The following DLGAP2 variants were observed in gnomAD, a reference collection of about 807,000 sequenced individuals.
The protein encoded by DLGAP2 is DLG associated protein 2.
In DLGAP2, 26 loss-of-function variants were observed where a neutral mutation model predicts 100.3. That is an observed-to-expected ratio of 0.26 (90% CI 0.19 to 0.36). DLGAP2 has a LOEUF of 0.36. Ranked by LOEUF, DLGAP2 falls within the 10% of genes least tolerant of loss-of-function variation. DLGAP2 has a pLI of 1.00. For missense variants in DLGAP2, 1,858 were observed against 1,453.2 expected (o/e 1.28, Z -4.53); for synonymous variants, 886 against 630.1 (o/e 1.41, Z -6.08).
chr8:1,241,427 T>A (rs1798794628), intron 2 of DLGAP2, among the ~76,000 whole-genome samples: 2 of 152,254 alleles, frequency 1.3e-5, no homozygotes, highest in Admixed American at 6.5e-5. Context: ...TCTCACATAG[T>A]GCTGTGTCTG....
chr8:1,364,653 G>C (rs1487416215), intron 3 of DLGAP2, among the ~76,000 whole-genome samples: 1 of 152,256 alleles, frequency 6.6e-6, no homozygotes, highest in Non-Finnish European at 1.5e-5. Context: ...TTGTGTCAAA[G>C]TGAAAATTGC....
chr8:1,322,982 A>G (rs770430806), intron 3 of DLGAP2, among the ~76,000 whole-genome samples: 2 of 151,552 alleles, frequency 1.3e-5, no homozygotes, highest in Admixed American at 1.3e-4. Flanking sequence ...TGTCCCCTCC[A>G]TGCCCCATAG....
In DLGAP2 at chr8:1,163,024, G is replaced by T. The variant is rs566434840; in HGVS notation, c.74-95827G>T. On this transcript the variant is annotated intron_variant, in intron 2 of 14. Coordinates refer to ENST00000637795, the MANE Select transcript of DLGAP2 (RefSeq NM_001346810.2). ...ATCCACCTGGGAGCTTTGGTGTTTG[G>T]TGTAGGACTCCGAGGTGAGGCCCTG... Among the ~76,000 whole-genome samples the T allele has an allele frequency of 1.4e-4, 21 of 152,348 alleles. 1 individual carries two copies. In the South Asian group the frequency reaches 4.3e-3, roughly 32 times the overall value.
At chr8:1,339,174 C>T (rs1454877348) in intron 3 of DLGAP2, among the ~76,000 whole-genome samples, 2 of 148,146 alleles carry the variant, frequency 1.4e-5, no homozygotes, top group Non-Finnish European at 3.0e-5. Flanking sequence ...GCAGTGACCT[C>T]AGCGAGGCGT....
At position 1,462,196 on chromosome 8, in the gene DLGAP2, G is replaced by A; in HGVS notation, c.107-39170G>A. On this transcript the variant is annotated intron_variant, in intron 3 of 14. Transcript: ENST00000637795. ...GTCAGGTGGGCTGGGTGCAGTCACT[G>A]ATTTGGTGGCCAGGAGGAGGGAGAA... is the stretch of plus-strand genomic sequence containing the variant. Among the ~76,000 whole-genome samples the A allele has an allele frequency of 2.9e-5, 2 of 69,090 alleles. 1 individual carries two copies. Among genetic ancestry groups the A allele is most frequent in the Non-Finnish European group, 5.3e-5 (2 of 37,992 alleles). 45.3% of individuals were successfully genotyped at this position (69,090 alleles called of 152,430 possible).
rs188397658 is a variant in DLGAP2, at chr8:1,533,812, C to T, written c.173-14814C>T. On this transcript the variant is annotated intron_variant, in intron 4 of 14. Coordinates refer to ENST00000637795, the MANE Select transcript of DLGAP2 (RefSeq NM_001346810.2). The stretch of plus-strand genomic sequence containing the variant: ...TCTCTACAAAAAAATTAAAAAATAG[C>T]CTGGCACAGCGGCCTGAGCCTGTTG... 1.4e-3 allele frequency among the ~76,000 whole-genome samples: 217 copies of T among 152,212 alleles called. 2 individuals are homozygous for T. The highest frequency in any genetic ancestry group is 4.9e-3 in the African/African-American group (205 of 41,528).
chr8:794,583 G>T (rs1354971857), intron 1 of DLGAP2, among the ~76,000 whole-genome samples: 1 of 152,224 alleles, frequency 6.6e-6, no homozygotes, highest in Non-Finnish European at 1.5e-5. Context: ...ATTGTTTGTG[G>T]CTTAGGAATG....
At chr8:1,277,801 A>G (rs1689465620) in intron 3 of DLGAP2, among the ~76,000 whole-genome samples, 1 of 152,188 alleles carries the variant, frequency 6.6e-6, no homozygotes, top group Admixed American at 6.5e-5. Context: ...CTTTCTCCGC[A>G]CGTTTCTCTA....
chr8:1,286,581 C>G (rs1799926745), intron 3 of DLGAP2, among the ~76,000 whole-genome samples: 1 of 152,168 alleles, frequency 6.6e-6, no homozygotes, highest in Non-Finnish European at 1.5e-5. Flanking sequence ...GCTTTCCCCT[C>G]TCCATGCCCA....
chr8:795,922 C>CGTCCAGTGAGAGCAGCT (rs1796022383), intron 1 of DLGAP2, among the ~76,000 whole-genome samples: 2 of 90,890 alleles, frequency 2.2e-5, no homozygotes, highest in Non-Finnish European at 4.7e-5. Context: ...TGAGAACAGG[C>CGTCCAGTGAGAGCAGCT]GTCCAGTGAG....
At chr8:1,682,767 C>T (rs946870021) in intron 12 of DLGAP2, among the ~76,000 whole-genome samples, 3 of 151,560 alleles carry the variant, frequency 2.0e-5, no homozygotes, top group East Asian at 3.9e-4. Context: ...AACCACCATG[C>T]CCAGCCAGGA....
At chr8:1,553,726 G>T (rs769207597) in intron 5 of DLGAP2, among the ~76,000 whole-genome samples, 3 of 152,088 alleles carry the variant, frequency 2.0e-5, no homozygotes, top group Non-Finnish European at 2.9e-5. Context: ...GCTGAAGGAC[G>T]TGTTGCGGGT....
chr8:955,156 T>C (rs1799568369), intron 2 of DLGAP2, among the ~76,000 whole-genome samples: 1 of 152,074 alleles, frequency 6.6e-6, no homozygotes, highest in South Asian at 2.1e-4. Context: ...CAGGTCTTCA[T>C]GCTCATGGAA....
intron 2 of DLGAP2, among the ~76,000 whole-genome samples, chr8:1,040,572 C>T (rs35944461): frequency 0.15 from 21,256 of 143,592 alleles, 1,765 homozygotes; most frequent in Non-Finnish European, 0.22. Context: ...GTGGTCGGCT[C>T]GGTTTCCGTG....
At chr8:1,065,983 T>G (rs1803232609) in intron 2 of DLGAP2, among the ~76,000 whole-genome samples, 1 of 152,216 alleles carries the variant, frequency 6.6e-6, no homozygotes, top group African/African-American at 2.4e-5. Flanking sequence ...CTGTCCAGCC[T>G]GAGCGTGGCC....
intron 2 of DLGAP2, among the ~76,000 whole-genome samples, chr8:1,108,463 G>C (rs1014364079): frequency 1.3e-5 from 2 of 152,120 alleles, no homozygotes; most frequent in Non-Finnish European, 2.9e-5. Flanking sequence ...TGCCTGTGAT[G>C]TGCGCTGGGT....
At chr8:1,239,976 GTCTTGTCTAGTTCTCTCT>G (rs1798748327) in intron 2 of DLGAP2, among the ~76,000 whole-genome samples, 6 of 124,966 alleles carry the variant, frequency 4.8e-5, no homozygotes, top group Admixed American at 8.7e-5. Context: ...CACACATAGC[GTCTTGTCTAGTTCTCTCT>G]CACACAGAGC....
intron 3 of DLGAP2, among the ~76,000 whole-genome samples, chr8:1,493,344 C>A (rs1042991398): frequency 1.3e-5 from 2 of 152,252 alleles, no homozygotes; most frequent in East Asian, 3.9e-4. Flanking sequence ...CCTCTGTGGA[C>A]CCAGCGTGTA....
rs148115114 is a variant in DLGAP2, at chr8:1,235,572, A to G, written c.74-23279A>G. Among the ~76,000 whole-genome samples the G allele has an allele frequency of 5.8e-3, 768 of 131,368 alleles. 41 individuals are homozygous for G. Among genetic ancestry groups the G allele is most frequent in the South Asian group, 0.032 (125 of 3,900 alleles). 86.2% of individuals were successfully genotyped at this position (131,368 alleles called of 152,430 possible). ...ATGGCGCCATGTCTAGTTCTCTCACATGGCACCATGTCTAGTTCTCTCACA... is the reference window on the plus strand; with the variant it reads ...ATGGCGCCATGTCTAGTTCTCTCACGTGGCACCATGTCTAGTTCTCTCACA... On this transcript the variant is annotated intron_variant, in intron 2 of 14. Transcript: ENST00000637795.
Sources: gnomAD v4.1 joint callset for allele counts (sites outside exome capture counted in the v4.1 genomes callset) on GRCh38, gnomAD v4.1.1 for gene constraint, MANE v1.5 for transcripts, NCBI Gene and HGNC (gene_info 2026-07-23, HGNC 2026-07-21) for gene names.